Variants in CNOT1 observed in about 807,000 individuals in gnomAD.
The protein encoded by CNOT1 is CCR4-NOT transcription complex subunit 1.
Under a neutral mutation model 273.8 loss-of-function variants are expected in CNOT1, and 15 were observed. The ratio of observed to expected loss-of-function variants is 0.05; its 90% confidence interval spans 0.04 to 0.08. The LOEUF (loss-of-function observed/expected upper bound fraction) is 0.08, where lower values mean the gene tolerates loss of function less well. Among genes scored for constraint, CNOT1 ranks in the 10% least tolerant of loss-of-function variants. The pLI, the probability that CNOT1 is intolerant of heterozygous loss-of-function variation, is 1.00. For synonymous variants in CNOT1, 1,022 were observed against 1,005.5 expected, an observed-to-expected ratio of 1.02 and a Z score of -0.31; for missense variants, 1,644 against 2,912.2, an observed-to-expected ratio of 0.56 and a Z score of 10.02.
rs578074167 is a variant in CNOT1 at position 58,618,947 on chromosome 16, C to T, written c.-175+10781G>A. ...GTGGCTCCCGCCTGTAATCCCAGCA[C>T]TTTGGGAGGCTAAGGTGGGAGGATT... On this transcript the variant is annotated intron_variant, in intron 1 of 48. Coordinates refer to ENST00000317147, the MANE Select transcript of CNOT1 (RefSeq NM_016284.5). Among the ~76,000 whole-genome samples, 10 of 152,248 alleles carry T rather than the reference C, an allele frequency of 6.6e-5. No homozygotes were observed. In the South Asian group the frequency reaches 1.9e-3, roughly 28 times the overall value.
rs750311573 is a variant in CNOT1 at position 58,545,320 on chromosome 16, C to G, written c.4137+41G>C. The G allele has an allele frequency of 3.7e-6, 6 of 1,601,542 alleles. No individual in the cohort carries two copies. In the African/African-American group the frequency reaches 8.1e-5, roughly 22 times the overall value. ...GGTGGCCAAACAAAATTTACCTTAT[C>G]ACAAACTAGAAGCTGGGAGAATGGA... is the stretch of plus-strand genomic sequence containing the variant. On this transcript the variant is annotated intron_variant, in intron 30 of 48. Coordinates refer to ENST00000317147, the MANE Select transcript of CNOT1 (RefSeq NM_016284.5).
intron 8 of CNOT1, among the ~76,000 whole-genome samples, chr16:58,583,457 G>A (rs1170519631): frequency 6.6e-6 from 1 of 152,162 alleles, no homozygotes; most frequent in African/African-American, 2.4e-5. Context: ...TAAGCTATGA[G>A]GATGCAAAGG....
At chr16:58,550,022 C>T in intron 24 of CNOT1, 124 bp from the exon 25 acceptor site, 1 of 1,410,644 alleles carries the variant, frequency 7.1e-7, no homozygotes, top group Non-Finnish European at 9.5e-7. Context: ...TAAAGAATGA[C>T]TTTCCTTCAC....
chr16:58,602,730 C>A (rs1188513643), intron 1 of CNOT1, among the ~76,000 whole-genome samples: 1 of 150,844 alleles, frequency 6.6e-6, no homozygotes, highest in African/African-American at 2.4e-5. Flanking sequence ...GACTCTGTCT[C>A]AAAAAAATAA....
intron 1 of CNOT1, among the ~76,000 whole-genome samples, chr16:58,625,857 CAA>C (rs35404068): frequency 5.3e-4 from 56 of 106,358 alleles, no homozygotes; most frequent in African/African-American, 5.3e-4. Flanking sequence ...AACCCTGTCT[CAA>C]AAAAAAAAAA....
chr16:58,552,728 T>C (rs1284432290), intron 22 of CNOT1, among the ~76,000 whole-genome samples: 1 of 152,150 alleles, frequency 6.6e-6, no homozygotes, highest in African/African-American at 2.4e-5. Flanking sequence ...ATCTTCCTGA[T>C]TCCTTAAAAT....
At chr16:58,553,725 A>G (rs1426184284) in intron 22 of CNOT1, 57 bp downstream of exon 22, 1 of 1,554,612 alleles carries the variant, frequency 6.4e-7, no homozygotes, top group Non-Finnish European at 8.6e-7. Flanking sequence ...AAGCCAAAAT[A>G]TTAAACCCTC....
At chr16:58,546,535 G>T in intron 28 of CNOT1, 37 bp from the exon 29 acceptor site, 1 of 1,600,088 alleles carries the variant, frequency 6.2e-7, no homozygotes, top group Non-Finnish European at 8.5e-7. Context: ...ATTTTTAAAA[G>T]AAAACTTTAG....
At chr16:58,574,553 C>T in intron 16 of CNOT1, 56 bp downstream of exon 16, 1 of 1,491,188 alleles carries the variant, frequency 6.7e-7, no homozygotes, top group Non-Finnish European at 9.0e-7. Flanking sequence ...CGCAAGTCTA[C>T]AATTATTCAT....
intron 8 of CNOT1, among the ~76,000 whole-genome samples, chr16:58,585,088 T>C (rs1259645176): frequency 1.3e-5 from 2 of 152,168 alleles, no homozygotes; most frequent in African/African-American, 2.4e-5. Context: ...AATATGCCTA[T>C]TGTGGCAACT....
rs747927554 is a variant in CNOT1 at position 58,538,205 on chromosome 16, G to A, written c.5197C>T (p.Arg1733Cys). The change falls in exon 37 of 49, where the codon CGC becomes TGC. Residue 1733 changes from arginine (R) to cysteine (C), a missense_variant. By Grantham distance (180) the Arg-to-Cys change is radical. Coordinates refer to ENST00000317147, the MANE Select transcript of CNOT1 (RefSeq NM_016284.5). ...YNVEAVELLI[R>C]NHLVNMQQYD... ...TGCTGCATATTAACCAAATGATTGC[G>A]AATTAGCAGCTCCACAGCCTCCACA... is the stretch of plus-strand genomic sequence containing the variant. 3.3e-6 allele frequency: 5 copies of A among 1,522,132 alleles called. No homozygotes were observed. The highest frequency in any genetic ancestry group is 4.5e-5 in the East Asian group (2 of 44,456). 94.3% of individuals were successfully genotyped at this position (1,522,132 alleles called of 1,614,324 possible).
At chr16:58,582,359 C>T (rs973859464) in intron 10 of CNOT1, among the ~76,000 whole-genome samples, 4 of 152,136 alleles carry the variant, frequency 2.6e-5, no homozygotes, top group Non-Finnish European at 2.9e-5. Flanking sequence ...GTAATCCCAA[C>T]GCTTTGCTCC....
intron 16 of CNOT1, among the ~76,000 whole-genome samples, chr16:58,572,828 A>G (rs1294878422): frequency 6.6e-6 from 1 of 151,094 alleles, no homozygotes; most frequent in Non-Finnish European, 1.5e-5. Flanking sequence ...GAATCACTTG[A>G]GCCTGCAAGG....
Position 58,574,741 on chromosome 16 carries a change from C to A in CNOT1, c.1847G>T (p.Cys616Phe). 6.2e-7 allele frequency: 1 copy of A among 1,600,810 alleles called. No homozygotes were observed. Among genetic ancestry groups the A allele is most frequent in the Non-Finnish European group, 8.5e-7 (1 of 1,177,368 alleles). ...REHGEPFIQA[C>F]MTFLKRRCPS... The stretch of plus-strand genomic sequence containing the variant: ...ACACCGTCTCTTTAAAAAAGTCATA[C>A]ACGCCTGGATAAAAGGCTCCTGAAG... The change falls in exon 16 of 49, where the codon TGT (cysteine) becomes TTT (phenylalanine). Residue 616 changes from cysteine to phenylalanine, a missense_variant. Physicochemically the swap from Cys to Phe is radical, Grantham distance 205 (BLOSUM62 -2). Transcript: ENST00000317147.
intron 23 of CNOT1, 48 bp from the exon 24 acceptor site, chr16:58,551,320 C>A: frequency 6.6e-7 from 1 of 1,517,650 alleles, no homozygotes; most frequent in Non-Finnish European, 8.8e-7. Flanking sequence ...TGAAATGCTT[C>A]CCTGAAAAAA....
At position 58,555,463 on chromosome 16, in the gene CNOT1, C is replaced by T. The variant is rs772219537; in HGVS notation, c.2679G>A (p.Arg893=). The T allele has an allele frequency of 6.2e-7, 1 of 1,614,068 alleles. No individual in the cohort carries two copies. The highest frequency in any genetic ancestry group is 1.1e-5 in the South Asian group (1 of 91,076). ...REREVFNCML[R]NLFEEYRFFP... ...AAAAACGATATTCTTCAAACAAGTT[C>T]CTTAGCATACAGTTAAATACTTCTC... is the stretch of plus-strand genomic sequence containing the variant. Residue 893 remains arginine, a synonymous_variant, in exon 21 of 49, where the codon AGG becomes AGA. Coordinates refer to ENST00000317147, the MANE Select transcript of CNOT1 (RefSeq NM_016284.5).
At chr16:58,546,892 A>G in intron 27 of CNOT1, 143 bp from the exon 28 acceptor site, 1 of 1,107,484 alleles carries the variant, frequency 9.0e-7, no homozygotes. Flanking sequence ...ATAACCAAAA[A>G]CAGTTAAACA....
At chr16:58,613,932 CAAAA>C (rs1364413295) in intron 1 of CNOT1, among the ~76,000 whole-genome samples, 2 of 112,000 alleles carry the variant, frequency 1.8e-5, no homozygotes, top group Admixed American at 1.8e-4. Flanking sequence ...ACTAAAAATA[CAAAA>C]AAAAAATTAG....
At chr16:58,605,234 G>A (rs1485711511) in intron 1 of CNOT1, among the ~76,000 whole-genome samples, 1 of 152,136 alleles carries the variant, frequency 6.6e-6, no homozygotes, top group Non-Finnish European at 1.5e-5. Flanking sequence ...TGGGCGTGGT[G>A]GCTCCCACCT....
Sources: allele counts gnomAD v4.1 joint callset (sites outside exome capture counted in the v4.1 genomes callset), GRCh38; gene constraint gnomAD v4.1.1; transcripts MANE v1.5; gene names NCBI Gene and HGNC (gene_info 2026-07-23, HGNC 2026-07-21).